Variants in CDON observed in about 807,000 individuals in gnomAD.
CDON encodes cell adhesion associated, oncogene regulated.
A neutral mutation model predicts 120.9 loss-of-function variants in CDON; 73 were observed. The observed-to-expected ratio is 0.60, with a 90% CI of 0.50 to 0.73. CDON has a LOEUF of 0.73. Among genes scored for constraint, CDON ranks in the 30% least tolerant of loss-of-function variants. CDON has a pLI of 0.00. For missense variants in CDON, 1,470 were observed against 1,587.3 expected (o/e 0.93, Z 1.26); for synonymous variants, 566 against 573.5 (o/e 0.99, Z 0.19).
chr11:126,003,448 G>A (rs11220310), intron 10 of CDON, among the ~76,000 whole-genome samples: 24,900 of 152,128 alleles, frequency 0.16, 2,245 homozygotes, highest in Non-Finnish European at 0.2. Context: ...ATACAATCAC[G>A]TAAATGTGAC....
chr11:125,987,268 G>A (rs182512018), intron 15 of CDON, among the ~76,000 whole-genome samples: 177 of 152,214 alleles, frequency 1.2e-3, no homozygotes, highest in African/African-American at 4.0e-3. Context: ...AAAAAAGAAA[G>A]GTGAGATGAA....
intron 11 of CDON, among the ~76,000 whole-genome samples, chr11:125,999,964 A>G (rs1052062795): frequency 8.5e-5 from 13 of 152,170 alleles, no homozygotes; most frequent in African/African-American, 3.1e-4. Flanking sequence ...CTTTGCTAGA[A>G]ACTCTTTTGC....
At chr11:126,045,910 C>T (rs922050841) in intron 1 of CDON, among the ~76,000 whole-genome samples, 17 of 151,888 alleles carry the variant, frequency 1.1e-4, no homozygotes, top group African/African-American at 3.6e-4. Flanking sequence ...GCAGAGAATG[C>T]GGTGAGCCAG....
rs954446440 is a variant in CDON at position 126,029,479 on chromosome 11, G to A, written c.-61-5942C>T. Among the ~76,000 whole-genome samples, 8 of 152,196 alleles carry A rather than the reference G, an allele frequency of 5.3e-5. 1 individual carries two copies. The South Asian group carries it at 1.7e-3, about 32-fold the overall frequency. On this transcript the variant is annotated intron_variant, in intron 1 of 19. Coordinates refer to ENST00000531738, the MANE Select transcript of CDON (RefSeq NM_001378964.1). ...CTGACACTCTAAGGGAATATTTGCTGACATTCAAAACAGTAAATTGCCATT... is the reference window on the plus strand; with the variant it reads ...CTGACACTCTAAGGGAATATTTGCTAACATTCAAAACAGTAAATTGCCATT...
rs3740912 is a variant in CDON, at chr11:126,021,374, C to T, written c.223G>A (p.Val75Ile). ...GKTLDGNLEH[V>I]KIHQGTLTIL... ...GTCAGAGTCCCCTGATGAATCTTAA[C>T]ATGTTCCAGGTTTCCATCCAATGTT... Residue 75 changes from valine to isoleucine, a missense_variant, in exon 3 of 20, where the codon GTT becomes ATT. Physicochemically the swap from Val to Ile is conservative, Grantham distance 29. Coordinates refer to ENST00000531738, the MANE Select transcript of CDON (RefSeq NM_001378964.1). 0.56 allele frequency: 910,742 copies of T among 1,613,614 alleles called. 262,028 individuals carry two copies. The highest frequency in any genetic ancestry group is 0.82 in the African/African-American group (61,405 of 74,948).
intron 14 of CDON, among the ~76,000 whole-genome samples, chr11:125,992,862 G>A (rs2134510262): frequency 6.6e-6 from 1 of 152,226 alleles, no homozygotes; most frequent in South Asian, 2.1e-4. Context: ...TAATTCACTA[G>A]GACATTTCTT....
chr11:126,026,523 A>G (rs1299921617), intron 1 of CDON, among the ~76,000 whole-genome samples: 1 of 152,244 alleles, frequency 6.6e-6, no homozygotes, highest in Admixed American at 6.5e-5. Context: ...CCTTAAGTAC[A>G]GCTTTTAATA....
intron 7 of CDON, among the ~76,000 whole-genome samples, chr11:126,012,099 C>T (rs1189928928): frequency 6.6e-6 from 1 of 152,150 alleles, no homozygotes; most frequent in Non-Finnish European, 1.5e-5. Flanking sequence ...ATGTTTAAGG[C>T]AAGTCTCCCA....
At chr11:126,017,891 T>C (rs549457029) in intron 5 of CDON, among the ~76,000 whole-genome samples, 6 of 152,234 alleles carry the variant, frequency 3.9e-5, no homozygotes, top group East Asian at 3.9e-4. Flanking sequence ...TCTTCTATAA[T>C]GCATTCATGT....
At chr11:125,963,916 C>G (rs1565487455) in intron 18 of CDON, among the ~76,000 whole-genome samples, 1 of 152,198 alleles carries the variant, frequency 6.6e-6, no homozygotes, top group Non-Finnish European at 1.5e-5. Flanking sequence ...GAGCCACAAT[C>G]AGAGCACTGG....
Position 125,958,523 on chromosome 11 carries a change from C to T in CDON, c.*2419G>A, listed in dbSNP as rs1945545209. The stretch of plus-strand genomic sequence containing the variant: ...AGCCAACTCACGCTTAGGGAGAACT[C>T]ATACCGCCTAAATATAAAGGCAATT... On this transcript the variant is annotated 3_prime_UTR_variant, in exon 20 of 20. Coordinates refer to ENST00000531738, the MANE Select transcript of CDON (RefSeq NM_001378964.1). 1 of 149,706 alleles carries T rather than the reference C, an allele frequency of 6.7e-6. No individual in the cohort carries two copies. The highest frequency in any genetic ancestry group is 2.5e-5 in the African/African-American group (1 of 40,640). The allele number at this position is 149,706 out of a possible 1,614,324, so 9.3% of individuals were successfully genotyped here.
At chr11:126,026,988 T>C (rs1947808835) in intron 1 of CDON, among the ~76,000 whole-genome samples, 2 of 152,242 alleles carry the variant, frequency 1.3e-5, no homozygotes, top group Non-Finnish European at 2.9e-5. Flanking sequence ...GACTTTATAG[T>C]TGTCCTTGAA....
chr11:125,978,207 T>C (rs557619766), intron 18 of CDON, 97 bp downstream of exon 18: 7 of 756,418 alleles, frequency 9.3e-6, no homozygotes, highest in African/African-American at 8.6e-5. Flanking sequence ...CTTTATATCC[T>C]AGGTAAAATT....
intron 18 of CDON, among the ~76,000 whole-genome samples, chr11:125,968,767 T>C (rs1945877775): frequency 6.6e-6 from 1 of 152,206 alleles, no homozygotes; most frequent in African/African-American, 2.4e-5. Flanking sequence ...TTTAAAATTT[T>C]CTAGTACACT....
At position 125,958,914 on chromosome 11, in the gene CDON, CAG is replaced by C. The variant is rs1324097997; in HGVS notation, c.*2026_*2027del. 2.0e-5 allele frequency: 3 copies of C among 152,312 alleles called. No homozygotes were observed. The highest frequency in any genetic ancestry group is 3.4e-3 in the Middle Eastern group (1 of 294). 9.4% of individuals were successfully genotyped at this position (152,312 alleles called of 1,614,324 possible). A position where few individuals can be genotyped will look rare whatever the true frequency, so the allele number is the denominator to read the frequency against. On this transcript the variant is annotated 3_prime_UTR_variant, in exon 20 of 20. Coordinates refer to ENST00000531738, the MANE Select transcript of CDON (RefSeq NM_001378964.1). ...ATTGCTGTAACTTGATTGGCTAACA[CAG>C]GGTATGTTTTCATATTCTGTGCGCT...
At chr11:126,047,702 G>A (rs1335550865) in intron 1 of CDON, among the ~76,000 whole-genome samples, 3 of 152,232 alleles carry the variant, frequency 2.0e-5, no homozygotes, top group South Asian at 2.1e-4. Flanking sequence ...GGAAATCAAG[G>A]CACAGAGGGC....
intron 16 of CDON, among the ~76,000 whole-genome samples, chr11:125,983,063 A>C (rs572554800): frequency 8.5e-5 from 13 of 152,332 alleles, no homozygotes; most frequent in African/African-American, 2.9e-4. Flanking sequence ...AGCATGCGTG[A>C]GAACTGGCTA....
chr11:125,979,894 T>G (rs1471855786), intron 17 of CDON, among the ~76,000 whole-genome samples: 1 of 152,238 alleles, frequency 6.6e-6, no homozygotes, highest in Non-Finnish European at 1.5e-5. Flanking sequence ...AAATTAATAT[T>G]TCTTCCACAA....
intron 1 of CDON, among the ~76,000 whole-genome samples, chr11:126,031,198 A>G (rs1321220795): frequency 1.3e-5 from 2 of 152,236 alleles, no homozygotes; most frequent in Non-Finnish European, 2.9e-5. Context: ...TGGAAACTCA[A>G]CCATGAATAA....
Sources: gnomAD v4.1 joint callset for allele counts (sites outside exome capture counted in the v4.1 genomes callset) on GRCh38, gnomAD v4.1.1 for gene constraint, MANE v1.5 for transcripts, NCBI Gene and HGNC (gene_info 2026-07-23, HGNC 2026-07-21) for gene names.